STAU2: variants seen among roughly 807,000 people sequenced by gnomAD.
STAU2 encodes the protein staufen double-stranded RNA binding protein 2.
Under a neutral mutation model 65.9 loss-of-function variants are expected in STAU2, and 20 were observed. That is an observed-to-expected ratio of 0.30 (90% confidence interval 0.21 to 0.44). The LOEUF is 0.44. Among genes scored for constraint, STAU2 ranks in the 20% least tolerant of loss-of-function variants. The pLI, the probability that STAU2 is intolerant of heterozygous loss-of-function variation, is 1.00. For missense variants in STAU2, 558 were observed against 683.9 expected, an observed-to-expected ratio of 0.82 and a Z score of 2.05; for synonymous variants, 232 against 233.9, an observed-to-expected ratio of 0.99 and a Z score of 0.07.
chr8:73,565,619 T>C (rs1808548707), intron 12 of STAU2, among the ~76,000 whole-genome samples: 1 of 152,184 alleles, frequency 6.6e-6, no homozygotes, highest in Admixed American at 6.5e-5. Context: ...CAATTTTCAC[T>C]TTGCAAACAT....
chr8:73,535,586 C>G (rs1427019716), intron 13 of STAU2, among the ~76,000 whole-genome samples: 1 of 152,116 alleles, frequency 6.6e-6, no homozygotes, highest in African/African-American at 2.4e-5. Flanking sequence ...ACATTTCCAT[C>G]GAAAGAAAAC....
intron 4 of STAU2, among the ~76,000 whole-genome samples, chr8:73,690,649 T>C (rs1819267460): frequency 6.6e-6 from 1 of 152,206 alleles, no homozygotes. Context: ...TATGTCAATA[T>C]AGAGGGAGCA....
At chr8:73,728,060 T>G (rs772629076) in intron 3 of STAU2, 7 of 152,198 alleles carry the variant, frequency 4.6e-5, no homozygotes, top group Non-Finnish European at 1.5e-5. Flanking sequence ...TTTTTGCTGT[T>G]GAGTTGTAAG....
intron 13 of STAU2, chr8:73,551,228 C>T (rs1807313411): frequency 3.0e-6 from 3 of 987,340 alleles, no homozygotes; most frequent in African/African-American, 3.5e-5. Flanking sequence ...TAAAGGAGTG[C>T]TGATTTTTGT....
chr8:73,547,724 T>C (rs564298794), intron 13 of STAU2, among the ~76,000 whole-genome samples: 3 of 152,188 alleles, frequency 2.0e-5, no homozygotes, highest in Non-Finnish European at 2.9e-5. Flanking sequence ...GTTTTGCTCA[T>C]TGTAGTCTAA....
chr8:73,619,278 G>C (rs534773553), intron 6 of STAU2, among the ~76,000 whole-genome samples: 4 of 152,196 alleles, frequency 2.6e-5, no homozygotes, highest in Middle Eastern at 3.4e-3. Context: ...AACAGGTCAA[G>C]TAAAATGATG....
At chr8:73,558,380 C>G (rs916691785) in intron 12 of STAU2, among the ~76,000 whole-genome samples, 12 of 152,142 alleles carry the variant, frequency 7.9e-5, no homozygotes, top group African/African-American at 2.9e-4. Flanking sequence ...TAACACCAGG[C>G]TATTGTACCC....
chr8:73,459,841 G>A (rs1819255034), intron 13 of STAU2, among the ~76,000 whole-genome samples: 2 of 152,180 alleles, frequency 1.3e-5, no homozygotes, highest in South Asian at 4.1e-4. Flanking sequence ...CCTTGGTTCC[G>A]CATCATCTGC....
chr8:73,518,249 G>T (rs1688058387), intron 13 of STAU2, among the ~76,000 whole-genome samples: 1 of 152,160 alleles, frequency 6.6e-6, no homozygotes, highest in African/African-American at 2.4e-5. Context: ...TATAAAATGG[G>T]CAATACTTCC....
rs373192457 is a variant in STAU2, at chr8:73,726,712, C to T, written c.-18+11572G>A. ...CTATTTTTATATTTTCTATGTATTTCCACATCATCTTTCTGTTTTCCCCTC... is the reference window on the plus strand; with the variant it reads ...CTATTTTTATATTTTCTATGTATTTTCACATCATCTTTCTGTTTTCCCCTC... On this transcript the variant is annotated intron_variant, in intron 3 of 14. Transcript: ENST00000524300. 8.5e-5 allele frequency among the ~76,000 whole-genome samples: 13 copies of T among 152,198 alleles called. No homozygotes were observed. The East Asian group carries it at 2.3e-3, about 27-fold the overall frequency.
At chr8:73,673,292 T>A in intron 5 of STAU2, 50 bp from the exon 6 acceptor site, 1 of 1,465,334 alleles carries the variant, frequency 6.8e-7, no homozygotes, top group Non-Finnish European at 9.1e-7. Flanking sequence ...ATCTTCACAA[T>A]TAAACATGCA....
At chr8:73,497,575 C>T (rs1261153901) in intron 13 of STAU2, among the ~76,000 whole-genome samples, 1 of 151,650 alleles carries the variant, frequency 6.6e-6, no homozygotes, top group Non-Finnish European at 1.5e-5. Flanking sequence ...AAGTATCCCT[C>T]GGTAATAAAG....
chr8:73,680,902 C>T (rs1818380422), intron 5 of STAU2, among the ~76,000 whole-genome samples: 1 of 151,798 alleles, frequency 6.6e-6, no homozygotes, highest in South Asian at 2.1e-4. Flanking sequence ...CAAATTAACC[C>T]AATCTGACAC....
chr8:73,473,825 C>T (rs1406172633), intron 13 of STAU2, among the ~76,000 whole-genome samples: 1 of 152,176 alleles, frequency 6.6e-6, no homozygotes. Flanking sequence ...ACCCACCTCA[C>T]CCTCATGCCA....
intron 9 of STAU2, among the ~76,000 whole-genome samples, chr8:73,610,981 T>C (rs1812411867): frequency 6.6e-6 from 1 of 152,208 alleles, no homozygotes; most frequent in Non-Finnish European, 1.5e-5. Context: ...ATCTGTAAGA[T>C]GGAAATGAAT....
At chr8:73,704,992 GA>G (rs1478588576) in intron 4 of STAU2, among the ~76,000 whole-genome samples, 3 of 152,100 alleles carry the variant, frequency 2.0e-5, no homozygotes, top group Non-Finnish European at 4.4e-5. Context: ...TGAATGTTAT[GA>G]GACAAAACTC....
At chr8:73,603,369 T>A (rs982080548) in intron 10 of STAU2, among the ~76,000 whole-genome samples, 23 of 152,174 alleles carry the variant, frequency 1.5e-4, no homozygotes, top group African/African-American at 5.5e-4. Flanking sequence ...ATCTACTACA[T>A]CCATCCTTCT....
chr8:73,449,844 C>G (rs1818697697), intron 13 of STAU2, among the ~76,000 whole-genome samples: 2 of 152,288 alleles, frequency 1.3e-5, no homozygotes, highest in South Asian at 4.1e-4. Context: ...TCCTGGCAGC[C>G]CCCTCACTAC....
rs1806587462 is a variant in STAU2, at chr8:73,738,318, C to G, written c.-52G>C. On this transcript the variant is annotated 5_prime_UTR_variant, in exon 3 of 15. Coordinates refer to ENST00000524300, the MANE Select transcript of STAU2 (RefSeq NM_001164380.2). ...TTGAAGCATGTTAAGACAATATTGA[C>G]CAAACTGCTGTATCCCTCACGGCTC... The G allele has an allele frequency of 3.1e-6, 5 of 1,604,888 alleles. No homozygotes were observed. The highest frequency in any genetic ancestry group is 4.2e-6 in the Non-Finnish European group (5 of 1,177,126).
Sources: gnomAD v4.1 joint callset for allele counts (sites outside exome capture counted in the v4.1 genomes callset) on GRCh38, gnomAD v4.1.1 for gene constraint, MANE v1.5 for transcripts, NCBI Gene and HGNC (gene_info 2026-07-23, HGNC 2026-07-21) for gene names.